The following VASH1 variants were observed in gnomAD, a reference collection of about 807,000 sequenced individuals.
VASH1 encodes tubulinyl-Tyr carboxypeptidase 1.
A neutral mutation model predicts 35.0 loss-of-function variants in VASH1; 16 were observed. The observed-to-expected ratio is 0.46, with a 90% CI of 0.31 to 0.70. VASH1 has a LOEUF of 0.70. Ranked by LOEUF, VASH1 falls within the 30% of genes least tolerant of loss-of-function variation. The probability of loss-of-function intolerance (pLI) is 0.05; values close to 1 mark genes in which losing one functional copy is unlikely to be tolerated. For synonymous variants in VASH1, 214 were observed against 200.9 expected, an observed-to-expected ratio of 1.07 and a Z score of -0.55; for missense variants, 505 against 510.7, an observed-to-expected ratio of 0.99 and a Z score of 0.11.
At chr14:76,769,436 G>A (rs1430056283) in intron 1 of VASH1, 2 of 1,289,026 alleles carry the variant, frequency 1.6e-6, no homozygotes, top group African/African-American at 1.5e-5. Flanking sequence ...TCAAGTTGGT[G>A]CTCTGGAAGG....
rs193134931 is a variant in VASH1 at position 76,765,514 on chromosome 14, G to A, written c.309+2384G>A. On this transcript the variant is annotated intron_variant, in intron 1 of 6. Transcript: ENST00000167106. ...GGAGTCCAGGAGGCCTTGGAGAGAAGCAGCGTGGGTTGGGTGCCTGGGTGC... is the reference window on the plus strand; with the variant it reads ...GGAGTCCAGGAGGCCTTGGAGAGAAACAGCGTGGGTTGGGTGCCTGGGTGC... Among the ~76,000 whole-genome samples, 6 of 152,324 alleles carry A rather than the reference G, an allele frequency of 3.9e-5. No homozygotes were observed. The East Asian group carries it at 1.2e-3, about 29-fold the overall frequency.
intron 1 of VASH1, among the ~76,000 whole-genome samples, chr14:76,767,961 C>A (rs763193814): frequency 1.3e-5 from 2 of 152,174 alleles, no homozygotes; most frequent in Non-Finnish European, 2.9e-5. Context: ...GGTGAATGAT[C>A]CAGTCCTGGG....
chr14:76,777,248 G>A (rs1193630094), intron 5 of VASH1, among the ~76,000 whole-genome samples: 1 of 152,246 alleles, frequency 6.6e-6, no homozygotes, highest in African/African-American at 2.4e-5. Flanking sequence ...CTGCGTTAGA[G>A]AGGGGCTGCT....
rs1894046817 is a variant in VASH1, at chr14:76,779,596, G to A, written c.*578G>A. 2 of 628,498 alleles carry A rather than the reference G, an allele frequency of 3.2e-6. No homozygotes were observed. Among genetic ancestry groups the A allele is most frequent in the Non-Finnish European group, 5.7e-6 (2 of 350,680 alleles). The allele number at this position is 628,498 out of a possible 1,614,324, so 38.9% of individuals were successfully genotyped here. A position where few individuals can be genotyped will look rare whatever the true frequency, so the allele number is the denominator to read the frequency against. ...CAGGAGCTTGGCACAGGCCACATCT[G>A]CCCCAAGAGCATGAGCTCGTGGCTC... On this transcript the variant is annotated 3_prime_UTR_variant, in exon 7 of 7. Coordinates refer to ENST00000167106, the MANE Select transcript of VASH1 (RefSeq NM_014909.5).
In VASH1 at chr14:76,780,530, GGTT is replaced by G. The variant is rs1467594701; in HGVS notation, c.*1515_*1517del. On this transcript the variant is annotated 3_prime_UTR_variant, in exon 7 of 7. Coordinates refer to ENST00000167106, the MANE Select transcript of VASH1 (RefSeq NM_014909.5). ...GCTACACAAGGAAGAGCAGAACTAG[GGTT>G]GTAAGCTCAAATGACGAGCAAACGG... 2.0e-5 allele frequency: 3 copies of G among 152,342 alleles called. No individual in the cohort carries two copies. Among genetic ancestry groups the G allele is most frequent in the Non-Finnish European group, 2.9e-5 (2 of 68,148 alleles). The allele number at this position is 152,342 out of a possible 1,614,324, so 9.4% of individuals were successfully genotyped here.
At chr14:76,775,319 C>CG (rs1249391111) in intron 4 of VASH1, among the ~76,000 whole-genome samples, 1 of 151,898 alleles carries the variant, frequency 6.6e-6, no homozygotes, top group Non-Finnish European at 1.5e-5. Flanking sequence ...TGGGAGGCCC[C>CG]GGGGGCTGGA....
At position 76,771,231 on chromosome 14, in the gene VASH1, G is replaced by GCAGA. The variant is rs758763599; in HGVS notation, c.442_445dup (p.Pro149GlnfsTer142). 1 of 1,604,092 alleles carries GCAGA rather than the reference G, an allele frequency of 6.2e-7. No individual in the cohort carries two copies. The highest frequency in any genetic ancestry group is 1.7e-5 in the Admixed American group (1 of 58,872). ...ACACAGTTCTTTGAAATTAAGAAGA[G>GCAGA]CAGACCTCTGACAGGGTAAGTATGG... is the stretch of plus-strand genomic sequence containing the variant. On this transcript the variant is annotated frameshift_variant, in exon 3 of 7. Transcript: ENST00000167106. LOFTEE classifies it high-confidence loss of function.
At chr14:76,766,381 C>A (rs982428162) in intron 1 of VASH1, among the ~76,000 whole-genome samples, 6 of 152,180 alleles carry the variant, frequency 3.9e-5, no homozygotes, top group African/African-American at 1.4e-4. Context: ...GGCCACAGAG[C>A]TCCTGCAGAA....
At chr14:76,765,947 A>G (rs1893631096) in intron 1 of VASH1, among the ~76,000 whole-genome samples, 1 of 152,218 alleles carries the variant, frequency 6.6e-6, no homozygotes, top group African/African-American at 2.4e-5. Context: ...CAAAGCTACC[A>G]TGTTCAAATC....
Position 76,762,965 on chromosome 14 carries a change from A to G in VASH1, c.144A>G (p.Glu48=). The G allele has an allele frequency of 6.4e-7, 1 of 1,557,916 alleles. No homozygotes were observed. The highest frequency in any genetic ancestry group is 8.7e-7 in the Non-Finnish European group (1 of 1,151,042). The change falls in exon 1 of 7, where the codon GAA becomes GAG. Residue 48 remains glutamate, a synonymous_variant. Coordinates refer to ENST00000167106, the MANE Select transcript of VASH1 (RefSeq NM_014909.5). The part of the protein sequence containing the change: ...SAQRDEEPEE[E]GEEDLRDGGV... The stretch of plus-strand genomic sequence containing the variant: ...AGAGAGATGAGGAGCCAGAAGAGGA[A>G]GGGGAAGAGGACCTGCGAGACGGAG...
intron 4 of VASH1, chr14:76,774,456 C>T (rs1324514781): frequency 1.3e-5 from 2 of 152,288 alleles, no homozygotes; most frequent in African/African-American, 4.8e-5. Context: ...CTCCCACCCT[C>T]ATAGGAGAGA....
chr14:76,780,867 G>T lies in VASH1; in HGVS notation c.*1849G>T, dbSNP rs1239370276. On this transcript the variant is annotated 3_prime_UTR_variant, in exon 7 of 7. Coordinates refer to ENST00000167106, the MANE Select transcript of VASH1 (RefSeq NM_014909.5). Reference sequence around the variant, plus strand: ...ATGCTTTGAGGCGGGCTGTAGCAAAGTCCTGTTTCTCAGAGCTGGGCTGGG... The same window carrying T: ...ATGCTTTGAGGCGGGCTGTAGCAAATTCCTGTTTCTCAGAGCTGGGCTGGG... 1 of 152,340 alleles carries T rather than the reference G, an allele frequency of 6.6e-6. No homozygotes were observed. Among genetic ancestry groups the T allele is most frequent in the Non-Finnish European group, 1.5e-5 (1 of 68,114 alleles). The allele number at this position is 152,340 out of a possible 1,614,324, so 9.4% of individuals were successfully genotyped here.
chr14:76,775,877 C>A lies in VASH1; in HGVS notation c.531-15C>A. ...GTGCTTCTCCTGGCTCTTTCCTTAG[C>A]GGGGCACTGGCCAGTTACCTCACCA... is the stretch of plus-strand genomic sequence containing the variant. On this transcript the variant is annotated splice_polypyrimidine_tract_variant and intron_variant, in intron 4 of 6. Transcript: ENST00000167106. 2 of 1,543,566 alleles carry A rather than the reference C, an allele frequency of 1.3e-6. No individual in the cohort carries two copies. Among genetic ancestry groups the A allele is most frequent in the Non-Finnish European group, 1.8e-6 (2 of 1,141,526 alleles).
intron 1 of VASH1, among the ~76,000 whole-genome samples, chr14:76,766,380 GCTC>G (rs1329506685): frequency 6.6e-6 from 1 of 152,184 alleles, no homozygotes; most frequent in Non-Finnish European, 1.5e-5. Context: ...AGGCCACAGA[GCTC>G]CTGCAGAATG....
At chr14:76,769,941 G>T (rs760287772) in intron 1 of VASH1, 22 bp from the exon 2 acceptor site, 3 of 1,611,386 alleles carry the variant, frequency 1.9e-6, no homozygotes, top group Admixed American at 1.7e-5. Context: ...TCTTGTGACC[G>T]GAGCTCTTTC....
intron 6 of VASH1, 51 bp downstream of exon 6, chr14:76,778,122 C>A: frequency 7.7e-7 from 1 of 1,305,802 alleles, no homozygotes; most frequent in Non-Finnish European, 1.0e-6. Context: ...TTTTTCCTTT[C>A]CTCTCATCGT....
At position 76,762,719 on chromosome 14, in the gene VASH1, G is replaced by A. The variant is rs1251199361; in HGVS notation, c.-103G>A. 6.5e-6 allele frequency: 7 copies of A among 1,071,322 alleles called. No homozygotes were observed. The East Asian group carries it at 2.0e-4, about 31-fold the overall frequency. The allele number at this position is 1,071,322 out of a possible 1,614,324, so 66.4% of individuals were successfully genotyped here. On this transcript the variant is annotated 5_prime_UTR_variant, in exon 1 of 7. Coordinates refer to ENST00000167106, the MANE Select transcript of VASH1 (RefSeq NM_014909.5). The stretch of plus-strand genomic sequence containing the variant: ...AGCCACGCCCTGATTTCTTAAAGGC[G>A]CCTTGCACTCTGGCCATGTGTTATC...
intron 1 of VASH1, among the ~76,000 whole-genome samples, chr14:76,768,233 C>T (rs1044709915): frequency 1.3e-5 from 2 of 152,232 alleles, no homozygotes; most frequent in African/African-American, 4.8e-5. Context: ...GCCCTGGGGC[C>T]CATTTGGTAC....
chr14:76,768,407 G>T (rs957791652), intron 1 of VASH1, among the ~76,000 whole-genome samples: 1 of 152,190 alleles, frequency 6.6e-6, no homozygotes, highest in African/African-American at 2.4e-5. Context: ...AGCCAGTGCG[G>T]TTGCTAGGGA....
Sources: gnomAD v4.1 joint callset for allele counts (sites outside exome capture counted in the v4.1 genomes callset) on GRCh38, gnomAD v4.1.1 for gene constraint, MANE v1.5 for transcripts, NCBI Gene and HGNC (gene_info 2026-07-23, HGNC 2026-07-21) for gene names.